Variants in NT5DC4 observed in about 807,000 individuals in gnomAD.
NT5DC4 encodes the protein 5'-nucleotidase domain containing 4, also known as 5'-nucleotidase domain-containing protein 4.
Under a neutral mutation model 26.6 loss-of-function variants are expected in NT5DC4, and 44 were observed. The ratio of observed to expected loss-of-function variants is 1.65; its 90% CI spans 1.30 to 2.13. The LOEUF (loss-of-function observed/expected upper bound fraction) is 2.13, where lower values mean the gene tolerates loss of function less well. NT5DC4 is among the 30% of genes most tolerant of loss of function. The pLI, the probability that NT5DC4 is intolerant of heterozygous loss-of-function variation, is 0.00. For synonymous variants in NT5DC4, 157 were observed against 86.7 expected (o/e 1.81, Z -4.51); for missense variants, 399 against 228.1 (o/e 1.75, Z -4.83).
intron 11 of NT5DC4, 47 bp from the exon 12 acceptor site, chr2:112,725,100 TCCCTGCGACCCTCCCTAGCTAGAGACC>T: frequency 1.5e-6 from 1 of 673,074 alleles, no homozygotes; most frequent in Non-Finnish European, 2.8e-6. Context: ...CACTCCCAGC[TCCCTGCGACCCTCCCTAGCTAGAGACC>T]AAAGATGTGG....
intron 16 of NT5DC4, 30 bp downstream of exon 16, chr2:112,729,734 G>T (rs2104773077): frequency 1.4e-6 from 1 of 717,230 alleles, no homozygotes; most frequent in East Asian, 2.7e-5. Flanking sequence ...GAACTCTGTG[G>T]CTTGGGGTCC....
intron 1 of NT5DC4, chr2:112,721,390 C>G (rs1045049211): frequency 1.0e-5 from 7 of 690,894 alleles, no homozygotes; most frequent in Middle Eastern, 2.5e-4. Flanking sequence ...AGATCTCTCC[C>G]CTTCACCACG....
rs1574226214 is a variant in NT5DC4, at chr2:112,721,848, G to C, written c.105G>C (p.Gly35=). 2.8e-6 allele frequency: 2 copies of C among 717,344 alleles called. No individual in the cohort carries two copies. Among genetic ancestry groups the C allele is most frequent in the East Asian group, 5.4e-5 (2 of 37,288 alleles). 44.4% of individuals were successfully genotyped at this position (717,344 alleles called of 1,614,324 possible). The change falls in exon 2 of 17, where the codon GGG becomes GGC. Residue 35 remains glycine, a synonymous_variant. Transcript: ENST00000688554. The stretch of plus-strand genomic sequence containing the variant: ...TTGTCAACCGCAGCCTGGCGCTGGG[G>C]AAGATTCGTTGCTTTGGCTTCGACA... ...RIFVNRSLAL[G]KIRCFGFDMD...
upstream of NT5DC4, among the ~76,000 whole-genome samples, chr2:112,720,295 G>A (rs58128214): frequency 8.3e-3 from 1,244 of 150,470 alleles, 14 homozygotes; most frequent in African/African-American, 0.029. Flanking sequence ...TTGATCTCCT[G>A]ACCACGTATC....
chr2:112,721,713 G>A, intron 1 of NT5DC4, 105 bp from the exon 2 acceptor site: 4 of 715,344 alleles, frequency 5.6e-6, no homozygotes, highest in Non-Finnish European at 1.0e-5. Context: ...GCAGCTGCAG[G>A]GGGTGCTCTG....
chr2:112,732,587 T>C (rs775510201), intron 16 of NT5DC4, among the ~76,000 whole-genome samples: 8 of 152,224 alleles, frequency 5.3e-5, no homozygotes, highest in Non-Finnish European at 1.2e-4. Flanking sequence ...CTAGAGCCCA[T>C]ACTTTTCCGG....
chr2:112,734,193 G>A (rs978168666), intron 16 of NT5DC4, among the ~76,000 whole-genome samples: 2 of 151,942 alleles, frequency 1.3e-5, no homozygotes, highest in Non-Finnish European at 2.9e-5. Context: ...GTGTGTGTGT[G>A]TGTGTGTGTA....
At chr2:112,735,156 G>C (rs899916111) in intron 16 of NT5DC4, among the ~76,000 whole-genome samples, 7 of 146,570 alleles carry the variant, frequency 4.8e-5, no homozygotes. Context: ...CAGTTCTCCT[G>C]CCTCAGCCTC....
chr2:112,723,242 G>A, intron 7 of NT5DC4, 68 bp downstream of exon 7: 1 of 716,544 alleles, frequency 1.4e-6, no homozygotes. Context: ...GCAGCCTTCA[G>A]GCCTCCAGTC....
chr2:112,722,947 C>T (rs1341660175), intron 6 of NT5DC4, 134 bp from the exon 7 acceptor site: 13 of 353,244 alleles, frequency 3.7e-5, no homozygotes, highest in Non-Finnish European at 6.6e-5. Flanking sequence ...TGATGCCCCT[C>T]CCAGGATGTC....
chr2:112,726,513 C>A (rs1292239496), intron 14 of NT5DC4, among the ~76,000 whole-genome samples, 165 bp from the exon 15 acceptor site: 1 of 152,184 alleles, frequency 6.6e-6, no homozygotes, highest in Non-Finnish European at 1.5e-5. Context: ...ACCTATCCAG[C>A]ACTCAGGGAC....
At chr2:112,741,071 A>T, downstream of NT5DC4, 5 of 1,068,062 alleles carry the variant, frequency 4.7e-6, no homozygotes, top group Non-Finnish European at 7.0e-6. Flanking sequence ...CTAGAAGTCA[A>T]TAACATGAAA....
Position 112,738,973 on chromosome 2 carries a change from T to A in NT5DC4, c.*37T>A. 1 of 1,614,228 alleles carries A rather than the reference T, an allele frequency of 6.2e-7. No individual in the cohort carries two copies. Among genetic ancestry groups the A allele is most frequent in the Non-Finnish European group, 8.5e-7 (1 of 1,180,032 alleles). On this transcript the variant is annotated 3_prime_UTR_variant, in exon 17 of 17. Transcript: ENST00000688554. ...GCAGCATTTCTGGGTAGCGGGACAC[T>A]GCTCGCTCAATCCTCGACGAACGCC...
At chr2:112,727,293 TAAG>T (rs1398567423) in intron 15 of NT5DC4, 1 of 169,252 alleles carries the variant, frequency 5.9e-6, no homozygotes, top group East Asian at 1.6e-4. Context: ...CCCACAGCCT[TAAG>T]AGGTGGATGG....
intron 16 of NT5DC4, chr2:112,738,324 T>A (rs1480392434): frequency 6.5e-6 from 1 of 154,208 alleles, no homozygotes; most frequent in Non-Finnish European, 1.4e-5. Context: ...ATTTATGATC[T>A]CTGAGCAAAG....
Position 112,725,519 on chromosome 2 carries a change from T to C in NT5DC4, c.1120T>C (p.Ser374Pro), listed in dbSNP as rs1323030392. Reference protein sequence around the residue: ...WRTCLVVPELSWELDIWAQEK... With the variant: ...WRTCLVVPELPWELDIWAQEK... ...GACTTGCCTGGTGGTTCCTGAGCTG[T>C]CCTGGGAGCTGGACATCTGGGCCCA... Residue 374 changes from serine (S) to proline (P), a missense_variant, in exon 13 of 17, where the codon TCC becomes CCC. Physicochemically the swap from Ser to Pro is moderately conservative, Grantham distance 74. Coordinates refer to ENST00000688554, the MANE Select transcript of NT5DC4 (RefSeq NM_001393655.1). 2 of 715,464 alleles carry C rather than the reference T, an allele frequency of 2.8e-6. No homozygotes were observed. Among genetic ancestry groups the C allele is most frequent in the African/African-American group, 1.7e-5 (1 of 57,332 alleles). The allele number at this position is 715,464 out of a possible 1,614,324, so 44.3% of individuals were successfully genotyped here. A position where few individuals can be genotyped will look rare whatever the true frequency, so the allele number is the denominator to read the frequency against.
At chr2:112,721,574 G>A (rs778172404) in intron 1 of NT5DC4, 29 of 717,550 alleles carry the variant, frequency 4.0e-5, no homozygotes, top group African/African-American at 2.1e-4. Context: ...CTGATTGCCC[G>A]CACACACTCA....
At position 112,724,231 on chromosome 2, in the gene NT5DC4, T is replaced by C. The variant is rs1251803603; in HGVS notation, c.789+105T>C. On this transcript the variant is annotated intron_variant, in intron 10 of 16. Coordinates refer to ENST00000688554, the MANE Select transcript of NT5DC4 (RefSeq NM_001393655.1). ...GGGCCTCTCCCACGTCCAGCCTCCC[T>C]TTGAGGAAGACCTGAGTGTGTGAGT... 4.7e-5 allele frequency: 33 copies of C among 706,186 alleles called. No homozygotes were observed. The East Asian group carries it at 8.6e-4, about 18-fold the overall frequency. The allele number at this position is 706,186 out of a possible 1,614,324, so 43.7% of individuals were successfully genotyped here.
At chr2:112,725,981 G>T (rs969843976) in intron 13 of NT5DC4, among the ~76,000 whole-genome samples, 1 of 152,084 alleles carries the variant, frequency 6.6e-6, no homozygotes, top group Non-Finnish European at 1.5e-5. Flanking sequence ...GAGAGCTGAG[G>T]CTTTAGGTTT....
Sources: gnomAD v4.1 joint callset for allele counts (sites outside exome capture counted in the v4.1 genomes callset) on GRCh38, gnomAD v4.1.1 for gene constraint, MANE v1.5 for transcripts, NCBI Gene and HGNC (gene_info 2026-07-23, HGNC 2026-07-21) for gene names.